Variants in EMB observed in about 807,000 individuals in gnomAD.
EMB encodes embigin.
EMB carries 31 observed loss-of-function variants against 41.4 expected under a neutral mutation model. The observed-to-expected ratio is 0.75, with a 90% CI of 0.56 to 1.01. The LOEUF (loss-of-function observed/expected upper bound fraction) is 1.01, where lower values mean the gene tolerates loss of function less well. Ranked by LOEUF, EMB falls within the 50% of genes least tolerant of loss-of-function variation. The pLI is 0.00. For missense variants in EMB, 379 were observed against 388.3 expected (o/e 0.98, Z 0.20); for synonymous variants, 137 against 140.4 (o/e 0.98, Z 0.17).
rs145304603 is a variant in EMB at position 50,415,165 on chromosome 5, A to G, written c.197-3782T>C. Among the ~76,000 whole-genome samples the G allele has an allele frequency of 3.7e-3, 569 of 152,322 alleles. 5 individuals carry two copies. The highest frequency in any genetic ancestry group is 0.013 in the African/African-American group (540 of 41,574). ...GTATTTAGTTGATTCTACCGCTAAA[A>G]TGTCAAACAAATTTGCCCAGTTTTA... On this transcript the variant is annotated intron_variant, in intron 2 of 8. Coordinates refer to ENST00000303221, the MANE Select transcript of EMB (RefSeq NM_198449.3).
chr5:50,421,527 C>T (rs936962078), intron 2 of EMB, among the ~76,000 whole-genome samples: 24 of 152,178 alleles, frequency 1.6e-4, no homozygotes, highest in Non-Finnish European at 3.1e-4. Context: ...CCATTTGACC[C>T]AGCCATCCCA....
At chr5:50,404,276 T>G (rs917217707) in intron 5 of EMB, among the ~76,000 whole-genome samples, 1 of 151,982 alleles carries the variant, frequency 6.6e-6, no homozygotes, top group Admixed American at 6.6e-5. Context: ...GTGAGTATAT[T>G]ATTCGTGCAA....
At position 50,396,313 on chromosome 5, in the gene EMB, T is replaced by C. The variant is rs1296823846; in HGVS notation, c.*2960A>G. 1 of 152,184 alleles carries C rather than the reference T, an allele frequency of 6.6e-6. No individual in the cohort carries two copies. The highest frequency in any genetic ancestry group is 2.4e-5 in the African/African-American group (1 of 41,448). 9.4% of individuals were successfully genotyped at this position (152,184 alleles called of 1,614,324 possible). A position where few individuals can be genotyped will look rare whatever the true frequency, so the allele number is the denominator to read the frequency against. ...ACAAAATTTAATTTTTATTTATACA[T>C]TCATCCGTTCAATACACATTTCAAG... On this transcript the variant is annotated 3_prime_UTR_variant, in exon 9 of 9. Coordinates refer to ENST00000303221, the MANE Select transcript of EMB (RefSeq NM_198449.3).
At chr5:50,415,398 T>C (rs919960914) in intron 2 of EMB, among the ~76,000 whole-genome samples, 1 of 152,168 alleles carries the variant, frequency 6.6e-6, no homozygotes, top group Non-Finnish European at 1.5e-5. Context: ...TTTCCTTATT[T>C]GTAAGGTGGG....
rs775194667 is a variant in EMB at position 50,403,464 on chromosome 5, G to C, written c.601-10C>G. 6 of 1,610,458 alleles carry C rather than the reference G, an allele frequency of 3.7e-6. No individual in the cohort carries two copies. Among genetic ancestry groups the C allele is most frequent in the Non-Finnish European group, 5.1e-6 (6 of 1,177,788 alleles). On this transcript the variant is annotated splice_polypyrimidine_tract_variant and intron_variant, in intron 5 of 8. Coordinates refer to ENST00000303221, the MANE Select transcript of EMB (RefSeq NM_198449.3). Reference sequence around the variant, plus strand: ...GAACACCAACAGGAACCTAATATGAGGAGACATTAAAATCCATTCCTATCA... The same window carrying C: ...GAACACCAACAGGAACCTAATATGACGAGACATTAAAATCCATTCCTATCA...
At position 50,403,449 on chromosome 5, in the gene EMB, A is replaced by G. The variant is rs184038560; in HGVS notation, c.606T>C (p.Pro202=). The G allele has an allele frequency of 3.3e-4, 531 of 1,611,972 alleles. 4 individuals carry two copies. The East Asian group carries it at 9.6e-3, about 29-fold the overall frequency. ...CATATTTATTCATTTGAACACCAAC[A>G]GGAACCTAATATGAGGAGACATTAA... The part of the protein sequence containing the change: ...WYSSNGSVKV[P]VGVQMNKYVI... The change falls in exon 6 of 9, where the codon CCT becomes CCC. Residue 202 remains proline, a synonymous_variant. Coordinates refer to ENST00000303221, the MANE Select transcript of EMB (RefSeq NM_198449.3).
chr5:50,430,872 A>C (rs1745710576), intron 1 of EMB, among the ~76,000 whole-genome samples: 1 of 152,164 alleles, frequency 6.6e-6, no homozygotes, highest in African/African-American at 2.4e-5. Context: ...GATGGGCTCA[A>C]CAGGGACCTG....
intron 2 of EMB, among the ~76,000 whole-genome samples, chr5:50,419,200 C>T (rs1745475469): frequency 6.6e-6 from 1 of 152,182 alleles, no homozygotes; most frequent in Non-Finnish European, 1.5e-5. Flanking sequence ...GTTCTTGTAG[C>T]TATAAATCAC....
Position 50,410,856 on chromosome 5 carries a change from C to T in EMB, c.472+21G>A, listed in dbSNP as rs754648946. On this transcript the variant is annotated intron_variant, in intron 4 of 8. Coordinates refer to ENST00000303221, the MANE Select transcript of EMB (RefSeq NM_198449.3). ...CATAATGCTGAAGTTATTAACTATT[C>T]CTCAAGTTATTAATACTGACCTTTG... The T allele has an allele frequency of 4.3e-6, 6 of 1,409,786 alleles. No homozygotes were observed. The South Asian group carries it at 7.6e-5, about 18-fold the overall frequency. 87.3% of individuals were successfully genotyped at this position (1,409,786 alleles called of 1,614,324 possible). A position where few individuals can be genotyped will look rare whatever the true frequency, so the allele number is the denominator to read the frequency against.
intron 5 of EMB, among the ~76,000 whole-genome samples, chr5:50,405,343 AG>A (rs570044140): frequency 1.7e-3 from 265 of 152,036 alleles, no homozygotes; most frequent in South Asian, 3.7e-3. Context: ...AAGCCCAAAA[AG>A]ATGTCTAGCA....
At chr5:50,421,288 G>GA (rs562526890) in intron 2 of EMB, among the ~76,000 whole-genome samples, 2,729 of 152,142 alleles carry the variant, frequency 0.018, 74 homozygotes, top group African/African-American at 0.062. Context: ...AAAGACACAT[G>GA]AAAAAATGCT....
chr5:50,412,226 TACACACACACACACCAC>T (rs1745350205), intron 2 of EMB, among the ~76,000 whole-genome samples: 2 of 135,174 alleles, frequency 1.5e-5, no homozygotes, highest in South Asian at 4.8e-4. Flanking sequence ...TTGAAAACAA[TACACACACACACACCAC>T]ACACACACAC....
chr5:50,404,720 A>G (rs1197220804), intron 5 of EMB, among the ~76,000 whole-genome samples: 4 of 151,968 alleles, frequency 2.6e-5, no homozygotes, highest in Admixed American at 1.3e-4. Flanking sequence ...AAAAAATTAC[A>G]TATACACAAT....
chr5:50,429,286 G>GA (rs1395548023), intron 1 of EMB, among the ~76,000 whole-genome samples: 1 of 151,874 alleles, frequency 6.6e-6, no homozygotes, highest in Non-Finnish European at 1.5e-5. Context: ...AGAGAAGGGG[G>GA]AAAAAAAGCT....
intron 1 of EMB, among the ~76,000 whole-genome samples, chr5:50,430,308 G>A (rs1455075630): frequency 6.6e-6 from 1 of 152,120 alleles, no homozygotes; most frequent in East Asian, 1.9e-4. Flanking sequence ...CCACTGTACA[G>A]CAGAATACAA....
At chr5:50,433,141 G>C (rs925389908) in intron 1 of EMB, among the ~76,000 whole-genome samples, 4 of 151,914 alleles carry the variant, frequency 2.6e-5, no homozygotes, top group Non-Finnish European at 4.4e-5. Flanking sequence ...GACTTTCTAA[G>C]TCAGAGACAG....
At chr5:50,429,624 C>A (rs1167769756) in intron 1 of EMB, among the ~76,000 whole-genome samples, 1 of 152,142 alleles carries the variant, frequency 6.6e-6, no homozygotes, top group East Asian at 1.9e-4. Flanking sequence ...CACCATGGCA[C>A]ATGTATACCT....
At position 50,399,290 on chromosome 5, in the gene EMB, C is replaced by T. The variant is rs776378673; in HGVS notation, c.967G>A (p.Glu323Lys). Residue 323 changes from glutamate (E) to lysine (K), a missense_variant and splice_region_variant, in exon 9 of 9, where the codon GAG (glutamate) becomes AAG (lysine). By Grantham distance (56) the Glu-to-Lys change is moderately conservative (BLOSUM62 1). Coordinates refer to ENST00000303221, the MANE Select transcript of EMB (RefSeq NM_198449.3). ...ENNVPRHRKN[E>K]SLGQ is the part of the protein sequence containing the mutation. ...TTTTGTATTCACTGGCCCAGAGACT[C>T]CTGAGTTAAATAAAGCATAATCAAA... 40 of 1,607,856 alleles carry T rather than the reference C, an allele frequency of 2.5e-5. No homozygotes were observed. The highest frequency in any genetic ancestry group is 3.4e-5 in the Non-Finnish European group (40 of 1,176,642).
chr5:50,415,870 C>T (rs1745421866), intron 2 of EMB, among the ~76,000 whole-genome samples: 1 of 152,148 alleles, frequency 6.6e-6, no homozygotes, highest in Non-Finnish European at 1.5e-5. Context: ...TACAGTGTAG[C>T]TATATACCAA....
Sources: gnomAD v4.1 joint callset for allele counts (sites outside exome capture counted in the v4.1 genomes callset) on GRCh38, gnomAD v4.1.1 for gene constraint, MANE v1.5 for transcripts, NCBI Gene and HGNC (gene_info 2026-07-23, HGNC 2026-07-21) for gene names.